Variants in CCDC181 observed in about 807,000 individuals in gnomAD.
The protein encoded by CCDC181 is coiled-coil domain containing 181, also known as coiled-coil domain-containing protein 181.
A neutral mutation model predicts 58.7 loss-of-function variants in CCDC181; 35 were observed. The observed-to-expected ratio is 0.60, with a 90% CI of 0.46 to 0.79. The LOEUF is 0.79. Among genes scored for constraint, CCDC181 ranks in the 30% least tolerant of loss-of-function variants. CCDC181 has a pLI of 0.00. For synonymous variants in CCDC181, 183 were observed against 197.5 expected, an observed-to-expected ratio of 0.93 and a Z score of 0.62; for missense variants, 517 against 583.9, an observed-to-expected ratio of 0.89 and a Z score of 1.18.
intron 2 of CCDC181, among the ~76,000 whole-genome samples, chr1:169,434,590 A>G (rs1657005243): frequency 6.6e-6 from 1 of 152,054 alleles, no homozygotes; most frequent in Non-Finnish European, 1.5e-5. Flanking sequence ...ACAATGGAAT[A>G]TTATTCAGCC....
intron 4 of CCDC181, among the ~76,000 whole-genome samples, chr1:169,415,661 C>T (rs932301): frequency 0.67 from 101,616 of 151,964 alleles, 34,200 homozygotes; most frequent in East Asian, 0.93. Context: ...CCTCCTTTGA[C>T]ATTTGTATCA....
chr1:169,430,625 G>A (rs557999470), upstream of CCDC181, among the ~76,000 whole-genome samples: 221 of 151,822 alleles, frequency 1.5e-3, 7 homozygotes, highest in South Asian at 0.045. Flanking sequence ...TACTGTTACC[G>A]GTGGAGGGTG....
upstream of CCDC181, among the ~76,000 whole-genome samples, chr1:169,429,980 T>C (rs530590256): frequency 6.6e-6 from 1 of 152,336 alleles, no homozygotes; most frequent in Non-Finnish European, 1.5e-5. Context: ...TTGATTTTTG[T>C]ATAAGGTGAG....
At chr1:169,406,945 C>G (rs906357589) in intron 4 of CCDC181, among the ~76,000 whole-genome samples, 2 of 144,312 alleles carry the variant, frequency 1.4e-5, no homozygotes, top group South Asian at 2.2e-4. Flanking sequence ...GTAAACTGAA[C>G]AAATGAAAAA....
chr1:169,458,867 G>C (rs1517743), intron 2 of CCDC181, among the ~76,000 whole-genome samples: 97,264 of 151,472 alleles, frequency 0.64, 31,900 homozygotes, highest in Non-Finnish European at 0.7. Flanking sequence ...ATTTCTAATA[G>C]TAAATATTTT....
chr1:169,430,132 T>G (rs1656872387), upstream of CCDC181, among the ~76,000 whole-genome samples: 1 of 152,228 alleles, frequency 6.6e-6, no homozygotes, highest in African/African-American at 2.4e-5. Flanking sequence ...GGTTCTCTAT[T>G]CTGTTTCATT....
chr1:169,417,086 C>T (rs527266822), intron 4 of CCDC181, among the ~76,000 whole-genome samples: 2 of 152,228 alleles, frequency 1.3e-5, no homozygotes, highest in South Asian at 4.1e-4. Flanking sequence ...AATACTTCAC[C>T]TCTGGTTACC....
Position 169,458,179 on chromosome 1 carries a change from T to TG in CCDC181, c.-24+1617_-24+1618insC, listed in dbSNP as rs1003473363. Among the ~76,000 whole-genome samples the TG allele has an allele frequency of 1.5e-3, 216 of 142,728 alleles. 2 individuals carry two copies. Among genetic ancestry groups the TG allele is most frequent in the African/African-American group, 5.3e-3 (205 of 38,362 alleles). The allele number at this position is 142,728 out of a possible 152,430, so 93.6% of individuals were successfully genotyped here. ...GCTGGGGCAAAAGTAATTTTTGTTTTTTTTTTTTTGTTTTGTTTTTTTTGC... is the reference window on the plus strand; with the variant it reads ...GCTGGGGCAAAAGTAATTTTTGTTTTGTTTTTTTTTGTTTTGTTTTTTTTGC... On this transcript the variant is annotated intron_variant, in intron 2 of 6. Transcript: ENST00000545005.
chr1:169,422,662 A>G (rs72704015), intron 2 of CCDC181, among the ~76,000 whole-genome samples: 27 of 152,210 alleles, frequency 1.8e-4, no homozygotes, highest in Non-Finnish European at 2.9e-4. Context: ...CAGAAAAACA[A>G]TTTTCAAAAA....
upstream of CCDC181, among the ~76,000 whole-genome samples, chr1:169,428,657 T>C (rs1015419819): frequency 3.9e-5 from 6 of 151,998 alleles, no homozygotes; most frequent in Middle Eastern, 3.2e-3. Flanking sequence ...GTTTCTTTGT[T>C]TGTTTGTTTT....
chr1:169,421,888 ATTCCT>A lies in CCDC181; in HGVS notation c.538_542del (p.Arg180TyrfsTer13), dbSNP rs1656485560. 6.2e-7 allele frequency: 1 copy of A among 1,613,716 alleles called. No homozygotes were observed. The highest frequency in any genetic ancestry group is 1.7e-5 in the Admixed American group (1 of 59,916). The stretch of plus-strand genomic sequence containing the variant: ...ATAATTGTGACAGTTTCCCAAACAT[ATTCCT>A]TTCGTTTTCAAAATAATTTTTAAAA... On this transcript the variant is annotated frameshift_variant, in exon 3 of 6. Transcript: ENST00000367806. LOFTEE classifies it high-confidence loss of function.
At chr1:169,431,861 G>T (rs1035372072), upstream of CCDC181, among the ~76,000 whole-genome samples, 2 of 152,102 alleles carry the variant, frequency 1.3e-5, no homozygotes, top group African/African-American at 4.8e-5. Flanking sequence ...CATTGTTGTT[G>T]CACCTTCCCC....
upstream of CCDC181, among the ~76,000 whole-genome samples, chr1:169,430,884 G>A (rs896969082): frequency 2.6e-5 from 4 of 152,074 alleles, no homozygotes; most frequent in African/African-American, 4.8e-5. Context: ...GTGGTGGCCC[G>A]CAATCAGTCT....
chr1:169,422,122 A>G lies in CCDC181; in HGVS notation c.309T>C (p.Ser103=). 8 of 1,613,488 alleles carry G rather than the reference A, an allele frequency of 5.0e-6. No individual in the cohort carries two copies. Among genetic ancestry groups the G allele is most frequent in the Non-Finnish European group, 6.8e-6 (8 of 1,179,618 alleles). The change falls in exon 3 of 6, where the codon TCT becomes TCC. Residue 103 remains serine, a synonymous_variant. Coordinates refer to ENST00000367806, the MANE Select transcript of CCDC181 (RefSeq NM_001300969.2). The part of the protein sequence containing the change: ...DPISDSDSEN[S]FQESKLESQK... ...GGCTTTCTAGTTTGGATTCCTGGAA[A>G]GAGTTTTCACTATCTGAATCTGATA...
At position 169,421,538 on chromosome 1, in the gene CCDC181, CG is replaced by C; in HGVS notation, c.892del (p.Arg298AlafsTer32). The C allele has an allele frequency of 6.2e-7, 1 of 1,614,014 alleles. No homozygotes were observed. The highest frequency in any genetic ancestry group is 2.2e-5 in the East Asian group (1 of 44,882). Reference sequence around the variant, plus strand: ...GACAGCAGAGCTTGGACAAGTCTTGCGGTTGAGTGGTGGCTGAGCGATATAA... The same window carrying C: ...GACAGCAGAGCTTGGACAAGTCTTGCGTTGAGTGGTGGCTGAGCGATATAA... ...LAYIAQPPLNRKTCPSSAVNS... is the reference protein window; with the variant it reads ...LAYIAQPPLNXKTCPSSAVNS... On this transcript the variant is annotated frameshift_variant, in exon 3 of 6. Transcript: ENST00000367806. LOFTEE classifies it high-confidence loss of function.
At chr1:169,446,636 A>C (rs1003864252) in intron 2 of CCDC181, among the ~76,000 whole-genome samples, 1 of 152,210 alleles carries the variant, frequency 6.6e-6, no homozygotes, top group Non-Finnish European at 1.5e-5. Context: ...AATAAAAATA[A>C]TACAAATTAA....
intron 4 of CCDC181, among the ~76,000 whole-genome samples, chr1:169,416,344 T>C (rs1030183925): frequency 6.6e-6 from 1 of 152,186 alleles, no homozygotes; most frequent in South Asian, 2.1e-4. Flanking sequence ...CCTGGATACC[T>C]TGGTTGCCAG....
upstream of CCDC181, chr1:169,427,519 C>G (rs1433737966): frequency 6.6e-6 from 1 of 152,296 alleles, no homozygotes; most frequent in Non-Finnish European, 1.5e-5. Context: ...AGACCACCGA[C>G]CCCTCCCGGC....
At chr1:169,404,638 C>A (rs1316648341) in intron 4 of CCDC181, among the ~76,000 whole-genome samples, 1 of 152,092 alleles carries the variant, frequency 6.6e-6, no homozygotes, top group Non-Finnish European at 1.5e-5. Flanking sequence ...TCTCAATGAA[C>A]TAAGTATTGA....
Sources: allele counts gnomAD v4.1 joint callset (sites outside exome capture counted in the v4.1 genomes callset), GRCh38; gene constraint gnomAD v4.1.1; transcripts MANE v1.5; gene names NCBI Gene and HGNC (gene_info 2026-07-23, HGNC 2026-07-21).